Variants in KCNK10 observed in about 807,000 individuals in gnomAD.
The protein encoded by KCNK10 is potassium channel subfamily K member 10.
KCNK10 carries 25 observed loss-of-function variants against 47.7 expected under a neutral mutation model. The ratio of observed to expected loss-of-function variants is 0.52; its 90% CI spans 0.38 to 0.73. The LOEUF (loss-of-function observed/expected upper bound fraction) is 0.73. KCNK10 is among the 30% of genes least tolerant of loss of function. The pLI, the probability that KCNK10 is intolerant of heterozygous loss-of-function variation, is 0.00. For synonymous variants in KCNK10, 303 were observed against 285.6 expected, an observed-to-expected ratio of 1.06 and a Z score of -0.61; for missense variants, 563 against 714.5, an observed-to-expected ratio of 0.79 and a Z score of 2.42.
In KCNK10 at chr14:88,186,102, C is replaced by T; in HGVS notation, c.1065G>A (p.Glu355=). 1 of 1,609,420 alleles carries T rather than the reference C, an allele frequency of 6.2e-7. No individual in the cohort carries two copies. The highest frequency in any genetic ancestry group is 8.5e-7 in the Non-Finnish European group (1 of 1,178,508). ...TGAGCCTTCGCCGTGTCTCCCGGAA[C>T]TCAGCCGTGACATTGGCCTTCCACT... ...AAEWKANVTA[E]FRETRRRLSV... is the part of the protein sequence containing the mutation. Residue 355 remains glutamate, a synonymous_variant, in exon 7 of 7, where the codon GAG becomes GAA. Coordinates refer to ENST00000319231, the MANE Select transcript of KCNK10 (RefSeq NM_138317.3). This position sits in a 1 kb window ranked among gnomAD's most constrained non-coding sequence, Gnocchi z 5.5.
intron 4 of KCNK10, among the ~76,000 whole-genome samples, chr14:88,213,401 G>A (rs1340478930): frequency 6.6e-6 from 1 of 152,146 alleles, no homozygotes; most frequent in Non-Finnish European, 1.5e-5. Flanking sequence ...GTGAAAATTG[G>A]TGATAAAGCA....
At chr14:88,206,205 T>A (rs890991762) in intron 4 of KCNK10, among the ~76,000 whole-genome samples, 2 of 152,210 alleles carry the variant, frequency 1.3e-5, no homozygotes, top group African/African-American at 4.8e-5. Flanking sequence ...GCTCTGTTTA[T>A]AACCCTGTTT....
intron 2 of KCNK10, among the ~76,000 whole-genome samples, chr14:88,257,375 T>C (rs1002182263): frequency 6.6e-6 from 1 of 152,222 alleles, no homozygotes; most frequent in African/African-American, 2.4e-5. Flanking sequence ...CGTACTCTCA[T>C]ACTTCTCAGT....
chr14:88,240,867 A>AT (rs369769888), intron 2 of KCNK10, 47 bp from the exon 3 acceptor site: 8,921 of 1,030,898 alleles, frequency 8.7e-3, no homozygotes, highest in Middle Eastern at 0.011. Flanking sequence ...AAAGTTGTTT[A>AT]TTTTTTTTTT....
At chr14:88,203,205 GGCA>G (rs1322746545) in intron 4 of KCNK10, among the ~76,000 whole-genome samples, 1 of 150,284 alleles carries the variant, frequency 6.7e-6, no homozygotes, top group Non-Finnish European at 1.5e-5. Flanking sequence ...TATATGCCCG[GGCA>G]GACACAGCAG....
At chr14:88,263,097 C>T (rs1887156592) in intron 2 of KCNK10, 105 bp downstream of exon 2, 1 of 906,078 alleles carries the variant, frequency 1.1e-6, no homozygotes, top group Non-Finnish European at 1.6e-6. Context: ...TCCCTGACCA[C>T]CAAGAGCCTC....
chr14:88,312,799 T>C (rs1223242294), intron 1 of KCNK10, among the ~76,000 whole-genome samples: 1 of 152,200 alleles, frequency 6.6e-6, no homozygotes, highest in Admixed American at 6.5e-5. Context: ...TTCCAGTATT[T>C]GAATAATACA....
At chr14:88,285,304 G>T (rs981046511) in intron 1 of KCNK10, among the ~76,000 whole-genome samples, 9 of 152,214 alleles carry the variant, frequency 5.9e-5, no homozygotes, top group Admixed American at 5.9e-4. Flanking sequence ...TAGAGATGGG[G>T]TTTCGCCATG....
intron 1 of KCNK10, among the ~76,000 whole-genome samples, chr14:88,315,047 G>T (rs1032729237): frequency 2.0e-5 from 3 of 152,118 alleles, no homozygotes; most frequent in African/African-American, 7.2e-5. Flanking sequence ...GAGTGGCAGC[G>T]CCAGCCCTAG....
chr14:88,221,682 G>A (rs527566975), intron 4 of KCNK10, among the ~76,000 whole-genome samples: 7 of 152,264 alleles, frequency 4.6e-5, no homozygotes, highest in Non-Finnish European at 8.8e-5. Context: ...ATCCAATCCA[G>A]TCATCACACA....
intron 1 of KCNK10, among the ~76,000 whole-genome samples, chr14:88,307,993 G>A (rs776127195): frequency 2.0e-5 from 3 of 152,090 alleles, no homozygotes; most frequent in Non-Finnish European, 4.4e-5. Flanking sequence ...TTCTCAAGTT[G>A]GGAAGCAGAC....
chr14:88,222,039 A>AC (rs1885827919), intron 4 of KCNK10, among the ~76,000 whole-genome samples: 1 of 152,216 alleles, frequency 6.6e-6, no homozygotes, highest in Non-Finnish European at 1.5e-5. Flanking sequence ...TGGGAACAAA[A>AC]AGAGGCTTAA....
Position 88,240,762 on chromosome 14 carries a change from CT to C in KCNK10, c.460del (p.Ser154AlafsTer20). The C allele has an allele frequency of 6.2e-7, 1 of 1,613,718 alleles. No homozygotes were observed. Among genetic ancestry groups the C allele is most frequent in the Non-Finnish European group, 8.5e-7 (1 of 1,179,814 alleles). ...GGCACTGCCGAGGTCCCAGTGGCTG[CT>C]GTTGTTGGAAGAGTTTCCTATTGGA... Reference protein sequence around the residue: ...VSPIGNSSNNSSHWDLGSAFF... With the variant: ...VSPIGNSSNNXSHWDLGSAFF... On this transcript the variant is annotated frameshift_variant, in exon 3 of 7. Coordinates refer to ENST00000319231, the MANE Select transcript of KCNK10 (RefSeq NM_138317.3). LOFTEE classifies it high-confidence loss of function.
At chr14:88,232,515 T>A (rs1020827988) in intron 3 of KCNK10, among the ~76,000 whole-genome samples, 2 of 152,266 alleles carry the variant, frequency 1.3e-5, no homozygotes, top group African/African-American at 4.8e-5. Flanking sequence ...CACCTCATTA[T>A]TCTTACTTAC....
At chr14:88,305,208 A>G (rs966930498) in intron 1 of KCNK10, among the ~76,000 whole-genome samples, 4 of 152,170 alleles carry the variant, frequency 2.6e-5, no homozygotes, top group Non-Finnish European at 4.4e-5. Context: ...TCGAAAAAAA[A>G]AAGAAGAAGA....
intron 5 of KCNK10, among the ~76,000 whole-genome samples, chr14:88,189,104 G>C (rs1344955365): frequency 6.6e-6 from 1 of 152,194 alleles, no homozygotes; most frequent in Admixed American, 6.5e-5. Flanking sequence ...AGTGATTACA[G>C]ACTTTCCCAC....
At chr14:88,255,807 C>G (rs1886938404) in intron 2 of KCNK10, among the ~76,000 whole-genome samples, 1 of 152,032 alleles carries the variant, frequency 6.6e-6, no homozygotes, top group African/African-American at 2.4e-5. Flanking sequence ...CTACAGTGAA[C>G]CATGATTGCA....
chr14:88,281,208 G>A (rs414234), intron 1 of KCNK10, among the ~76,000 whole-genome samples: 9,826 of 152,164 alleles, frequency 0.065, 412 homozygotes, highest in East Asian at 0.087. Flanking sequence ...ATTCTTCCAC[G>A]GCTGGCTCCT....
At chr14:88,222,245 C>G (rs1182275540) in intron 4 of KCNK10, among the ~76,000 whole-genome samples, 3 of 152,172 alleles carry the variant, frequency 2.0e-5, no homozygotes, top group Non-Finnish European at 4.4e-5. Context: ...CATGATTCAA[C>G]TACCTCCCCC....
Sources: allele counts gnomAD v4.1 joint callset (sites outside exome capture counted in the v4.1 genomes callset), GRCh38; gene constraint gnomAD v4.1.1; non-coding constraint Gnocchi (gnomAD v3.1); transcripts MANE v1.5; gene names NCBI Gene and HGNC (gene_info 2026-07-23, HGNC 2026-07-21).